Variants in TUBA3C observed in about 807,000 individuals in gnomAD.
TUBA3C encodes the protein tubulin alpha 3c.
In TUBA3C, 23 loss-of-function variants were observed where a neutral mutation model predicts 33.4. That is an observed-to-expected ratio of 0.69 (90% CI 0.50 to 0.98). TUBA3C has a LOEUF of 0.98. Ranked by LOEUF, TUBA3C falls within the 50% of genes least tolerant of loss-of-function variation. The pLI, the probability that TUBA3C is intolerant of heterozygous loss-of-function variation, is 0.00. For missense variants in TUBA3C, 402 were observed against 616.0 expected, an observed-to-expected ratio of 0.65 and a Z score of 3.68; for synonymous variants, 269 against 250.4, an observed-to-expected ratio of 1.07 and a Z score of -0.70.
rs1869329973 is a variant in TUBA3C, at chr13:19,179,560, C to G, written c.7G>C (p.Glu3Gln). Residue 3 changes from glutamate (E) to glutamine (Q), a missense_variant, in exon 2 of 5, where the codon GAG becomes CAG. By Grantham distance (29) the Glu-to-Gln change is conservative. Coordinates refer to ENST00000400113, the MANE Select transcript of TUBA3C (RefSeq NM_006001.3). ...TGCCCCACGTGGATAGAGATACACT[C>G]ACGCTGTGAACCAGAACATAAATGT... is the stretch of plus-strand genomic sequence containing the variant. Reference protein sequence around the residue: MRECISIHVGQAG... With the variant: MRQCISIHVGQAG... 1.2e-6 allele frequency: 2 copies of G among 1,613,640 alleles called. No homozygotes were observed. Among genetic ancestry groups the G allele is most frequent in the Non-Finnish European group, 1.7e-6 (2 of 1,179,670 alleles).
intron 4 of TUBA3C, among the ~76,000 whole-genome samples, chr13:19,176,286 C>T (rs188456548): frequency 6.6e-6 from 1 of 151,962 alleles, no homozygotes; most frequent in Admixed American, 6.5e-5. Flanking sequence ...TGTAGTGGTG[C>T]ATGTCTGTGG....
intron 4 of TUBA3C, 144 bp downstream of exon 4, chr13:19,176,782 CT>C (rs1292237505): frequency 3.1e-6 from 1 of 326,202 alleles, no homozygotes; most frequent in Non-Finnish European, 5.8e-6. Flanking sequence ...TTAATGATCA[CT>C]CTGGTTCACT....
At chr13:19,181,355 C>A (rs1054693267) in intron 1 of TUBA3C, among the ~76,000 whole-genome samples, 2 of 152,158 alleles carry the variant, frequency 1.3e-5, no homozygotes, top group Non-Finnish European at 2.9e-5. Flanking sequence ...CAGCCCTTGC[C>A]TCCATCAACA....
intron 4 of TUBA3C, 123 bp from the exon 5 acceptor site, chr13:19,174,282 A>C: frequency 7.4e-7 from 1 of 1,359,616 alleles, no homozygotes. Context: ...CACCCCACAA[A>C]TGTCACTAAG....
Position 19,177,060 on chromosome 13 carries a change from C to T in TUBA3C, c.923G>A (p.Arg308His), listed in dbSNP as rs756491837. The T allele has an allele frequency of 1.1e-5, 17 of 1,614,004 alleles. No homozygotes were observed. In the East Asian group the frequency reaches 1.8e-4, roughly 17 times the overall value. The change falls in exon 4 of 5, where the codon CGC becomes CAC. Residue 308 changes from arginine (R) to histidine (H), a missense_variant. Transcript: ENST00000400113. This position sits in a 1 kb window ranked among gnomAD's most constrained non-coding sequence, Gnocchi z 5.0. ...PANQMVKCDP[R>H]HGKYMACCML... ...GCAGCAGGCCATGTACTTGCCGTGG[C>T]GAGGGTCACACTTGACCATCTGATT...
rs146476021 is a variant in TUBA3C, at chr13:19,178,398, C to CA, written c.227-5dup. 1 of 1,614,090 alleles carries CA rather than the reference C, an allele frequency of 6.2e-7. No individual in the cohort carries two copies. Among genetic ancestry groups the CA allele is most frequent in the Non-Finnish European group, 8.5e-7 (1 of 1,179,986 alleles). On this transcript the variant is annotated splice_region_variant and splice_polypyrimidine_tract_variant and intron_variant, in intron 2 of 4. Transcript: ENST00000400113. The stretch of plus-strand genomic sequence containing the variant: ...TAGGTTCCTGTGCGCACTTCATCTA[C>CA]AAAAGAGACCGTATGTACTGTGAAT...
Position 19,177,593 on chromosome 13 carries a change from C to T in TUBA3C, c.390G>A (p.Thr130=), listed in dbSNP as rs757186706. 29 of 1,587,992 alleles carry T rather than the reference C, an allele frequency of 1.8e-5. No homozygotes were observed. The East Asian group carries it at 3.8e-4, about 21-fold the overall frequency. The change falls in exon 4 of 5, where the codon ACG becomes ACA. Residue 130 remains threonine (T), a synonymous_variant. Coordinates refer to ENST00000400113, the MANE Select transcript of TUBA3C (RefSeq NM_006001.3). This position sits in a 1 kb window ranked among gnomAD's most constrained non-coding sequence, Gnocchi z 5.0. ...GGAAGATGAGGAAGCCCTGCAGTCC[C>T]GTGCACAGATCCGCCTGAGGGAAAC... The part of the protein sequence containing the change: ...DRIRKLADLC[T]GLQGFLIFHS...
In TUBA3C at chr13:19,177,692, T is replaced by G. The variant is rs1869249953; in HGVS notation, c.376-85A>C. 6.8e-7 allele frequency: 1 copy of G among 1,478,012 alleles called. No homozygotes were observed. Among genetic ancestry groups the G allele is most frequent in the East Asian group, 2.3e-5 (1 of 43,324 alleles). The allele number at this position is 1,478,012 out of a possible 1,614,324, so 91.6% of individuals were successfully genotyped here. A position where few individuals can be genotyped will look rare whatever the true frequency, so the allele number is the denominator to read the frequency against. ...CAAGCCAGGGCCACTTCTCTGCCTC[T>G]GAAGACTTGATATGGATTCCAATCA... On this transcript the variant is annotated intron_variant, in intron 3 of 4. Transcript: ENST00000400113. The surrounding 1 kb of genome is among the most constrained non-coding windows in gnomAD (Gnocchi z 5.0).
chr13:19,178,887 G>A (rs967895715), intron 2 of TUBA3C, among the ~76,000 whole-genome samples: 10 of 152,148 alleles, frequency 6.6e-5, no homozygotes, highest in African/African-American at 2.2e-4. Context: ...GAAAGGGGCT[G>A]TCTCTTTGCA....
At chr13:19,176,826 G>A (rs941454146) in intron 4 of TUBA3C, 101 bp downstream of exon 4, 27 of 1,404,502 alleles carry the variant, frequency 1.9e-5, no homozygotes, top group African/African-American at 1.6e-4. Context: ...CCATGGAATA[G>A]GGGTAGTATC....
Position 19,177,265 on chromosome 13 carries a change from C to T in TUBA3C, c.718G>A (p.Ala240Thr). The T allele has an allele frequency of 1.2e-6, 2 of 1,614,046 alleles. No homozygotes were observed. The highest frequency in any genetic ancestry group is 1.7e-6 in the Non-Finnish European group (2 of 1,180,018). ...AGGGCCCCGTCAAATCGCAGGGAGG[C>T]CGTGATGGAGGACACGATCTGCCCA... ...LIGQIVSSITASLRFDGALNV... is the reference protein window; with the variant it reads ...LIGQIVSSITTSLRFDGALNV... Residue 240 changes from alanine to threonine, a missense_variant, in exon 4 of 5, where the codon GCC (alanine) becomes ACC (threonine). Ala to Thr is a moderately conservative substitution (Grantham distance 58). Transcript: ENST00000400113. This position sits in a 1 kb window ranked among gnomAD's most constrained non-coding sequence, Gnocchi z 5.0.
At chr13:19,178,201 C>A in intron 3 of TUBA3C, 45 bp downstream of exon 3, 1 of 1,607,658 alleles carries the variant, frequency 6.2e-7, no homozygotes, top group Non-Finnish European at 8.5e-7. Context: ...CTAAGATCTA[C>A]CCTCCTGTGC....
intron 1 of TUBA3C, among the ~76,000 whole-genome samples, chr13:19,180,711 G>A (rs2138959474): frequency 1.3e-5 from 2 of 152,092 alleles, no homozygotes; most frequent in Admixed American, 1.3e-4. Flanking sequence ...TAGCCAGGAT[G>A]GTCTCGATCT....
chr13:19,177,516 C>G lies in TUBA3C; in HGVS notation c.467G>C (p.Arg156Pro), dbSNP rs748945233. Reference sequence around the variant, plus strand: ...CTTCTTGCCGTAATCCACTGAGAGCCGCTCCATGAGCAGAGATGCGAACCC... The same window carrying G: ...CTTCTTGCCGTAATCCACTGAGAGCGGCTCCATGAGCAGAGATGCGAACCC... ...GSGFASLLME[R>P]LSVDYGKKSK... Residue 156 changes from arginine to proline, a missense_variant, in exon 4 of 5, where the codon CGG (arginine) becomes CCG (proline). Arg to Pro is a moderately radical substitution (Grantham distance 103, BLOSUM62 -2). Transcript: ENST00000400113. The surrounding 1 kb of genome is among the most constrained non-coding windows in gnomAD (Gnocchi z 5.0). 6.2e-7 allele frequency: 1 copy of G among 1,613,982 alleles called. No individual in the cohort carries two copies. Among genetic ancestry groups the G allele is most frequent in the Non-Finnish European group, 8.5e-7 (1 of 1,180,010 alleles).
At position 19,179,517 on chromosome 13, in the gene TUBA3C, C is replaced by T; in HGVS notation, c.50G>A (p.Gly17Asp). Residue 17 changes from glycine to aspartate, a missense_variant, in exon 2 of 5, where the codon GGC (glycine) becomes GAC (aspartate). Gly to Asp is a moderately conservative substitution (Grantham distance 94, BLOSUM62 -1). Coordinates refer to ENST00000400113, the MANE Select transcript of TUBA3C (RefSeq NM_006001.3). ...IHVGQAGVQI[G>D]NACWELYCLE... is the part of the protein sequence containing the mutation. ...GCAGTACAGTTCCCAGCAGGCATTG[C>T]CGATCTGGACTCCTGCCTGCCCCAC... 2 of 1,614,228 alleles carry T rather than the reference C, an allele frequency of 1.2e-6. No individual in the cohort carries two copies. Among genetic ancestry groups the T allele is most frequent in the Non-Finnish European group, 1.7e-6 (2 of 1,180,030 alleles).
rs1869149098 is a variant in TUBA3C at position 19,175,544 on chromosome 13, G to T, written c.1056+1383C>A. On this transcript the variant is annotated intron_variant, in intron 4 of 4. Coordinates refer to ENST00000400113, the MANE Select transcript of TUBA3C (RefSeq NM_006001.3). ...GACCACTGCAGTCAGTTCTGACTGGGATTTCCTACTGTGGGTGTCTCTTCT... is the reference window on the plus strand; with the variant it reads ...GACCACTGCAGTCAGTTCTGACTGGTATTTCCTACTGTGGGTGTCTCTTCT... Among the ~76,000 whole-genome samples, 3 of 152,152 alleles carry T rather than the reference G, an allele frequency of 2.0e-5. No homozygotes were observed. The South Asian group carries it at 6.2e-4, about 31-fold the overall frequency.
Position 19,178,269 on chromosome 13 carries a change from C to T in TUBA3C, c.352G>A (p.Val118Ile), listed in dbSNP as rs776819351. The T allele has an allele frequency of 1.9e-6, 3 of 1,614,182 alleles. No homozygotes were observed. The highest frequency in any genetic ancestry group is 1.7e-5 in the Admixed American group (1 of 60,030). Residue 118 changes from valine to isoleucine, a missense_variant, in exon 3 of 5, where the codon GTC (valine) becomes ATC (isoleucine). Transcript: ENST00000400113. ...YTIGKEIVDL[V>I]LDRIRKLADL... ...ACCAGTTTGCGGATCCGGTCCAGGA[C>T]CAGGTCGACGATCTCCTTGCCGATG...
At chr13:19,180,551 G>A (rs1869365575) in intron 1 of TUBA3C, among the ~76,000 whole-genome samples, 2 of 151,886 alleles carry the variant, frequency 1.3e-5, no homozygotes, top group South Asian at 4.2e-4. Context: ...ACCCAGGCTG[G>A]AATGCAGTGG....
rs1259585433 is a variant in TUBA3C at position 19,181,764 on chromosome 13, G to A, written c.-17C>T. The A allele has an allele frequency of 1.9e-6, 3 of 1,602,308 alleles. No homozygotes were observed. The highest frequency in any genetic ancestry group is 1.7e-6 in the Non-Finnish European group (2 of 1,179,750). On this transcript the variant is annotated 5_prime_UTR_variant, in exon 1 of 5. Coordinates refer to ENST00000400113, the MANE Select transcript of TUBA3C (RefSeq NM_006001.3). ...CCTTACCATGTTGAGCTCCTCCGCT[G>A]CCGCAGCCCAACGCTACTACTTGAC...
Sources: allele counts gnomAD v4.1 joint callset (sites outside exome capture counted in the v4.1 genomes callset), GRCh38; gene constraint gnomAD v4.1.1; non-coding constraint Gnocchi (gnomAD v3.1); transcripts MANE v1.5; gene names NCBI Gene and HGNC (gene_info 2026-07-23, HGNC 2026-07-21).